CDH13: variants seen among roughly 807,000 people sequenced by gnomAD.
CDH13 encodes cadherin 13, also known as cadherin-13.
CDH13 carries 24 observed loss-of-function variants against 63.8 expected under a neutral mutation model. The ratio of observed to expected loss-of-function variants is 0.38; its 90% CI spans 0.27 to 0.53. CDH13 has a LOEUF of 0.53. Ranked by LOEUF, CDH13 falls within the 20% of genes least tolerant of loss-of-function variation. CDH13 has a pLI of 0.85. For missense variants in CDH13, 1,049 were observed against 903.1 expected (o/e 1.16, Z -2.07); for synonymous variants, 503 against 355.3 (o/e 1.42, Z -4.67).
intron 5 of CDH13, among the ~76,000 whole-genome samples, chr16:83,306,858 C>G (rs188046026): frequency 6.6e-6 from 1 of 152,072 alleles, no homozygotes; most frequent in Non-Finnish European, 1.5e-5. Flanking sequence ...TGGAAATTAC[C>G]CAGTCTCAGG....
At chr16:83,558,046 A>T (rs1338666938) in intron 7 of CDH13, among the ~76,000 whole-genome samples, 1 of 152,154 alleles carries the variant, frequency 6.6e-6, no homozygotes, top group Non-Finnish European at 1.5e-5. Context: ...TTATATAAAA[A>T]GGGCACCCAG....
intron 1 of CDH13, among the ~76,000 whole-genome samples, chr16:82,710,372 A>G (rs191115733): frequency 0.03 from 4,360 of 145,388 alleles, 93 homozygotes; most frequent in South Asian, 0.085. Flanking sequence ...TCTCTACTAT[A>G]AATACAAAAA....
chr16:82,890,667 T>TC (rs397961342), intron 2 of CDH13, among the ~76,000 whole-genome samples: 23 of 151,548 alleles, frequency 1.5e-4, no homozygotes, highest in Admixed American at 5.3e-4. Context: ...TTTTTTTTTT[T>TC]CCAAGACTAA....
intron 2 of CDH13, among the ~76,000 whole-genome samples, chr16:82,861,361 T>C (rs1177218391): frequency 6.6e-6 from 1 of 152,184 alleles, no homozygotes; most frequent in African/African-American, 2.4e-5. Context: ...GCATAATCAA[T>C]CAATTGATGT....
chr16:82,743,191 C>A (rs11646321), intron 1 of CDH13, among the ~76,000 whole-genome samples: 46,120 of 152,048 alleles, frequency 0.3, 7,946 homozygotes, highest in South Asian at 0.38. Flanking sequence ...CAGTTTTGAA[C>A]AACAGTGAAC....
intron 2 of CDH13, among the ~76,000 whole-genome samples, chr16:82,862,408 T>G (rs1156688332): frequency 6.6e-6 from 1 of 152,194 alleles, no homozygotes; most frequent in Admixed American, 6.5e-5. Flanking sequence ...CAGACAGATT[T>G]TTTCCAGCAA....
At chr16:83,059,126 T>A (rs1042483486) in intron 3 of CDH13, among the ~76,000 whole-genome samples, 2 of 152,070 alleles carry the variant, frequency 1.3e-5, no homozygotes, top group African/African-American at 4.8e-5. Flanking sequence ...AGGAGGCCAA[T>A]CAAAAAAGAG....
At chr16:83,307,361 ACTTAAAC>A (rs1279638194) in intron 5 of CDH13, among the ~76,000 whole-genome samples, 13 of 152,198 alleles carry the variant, frequency 8.5e-5, no homozygotes, top group Non-Finnish European at 1.5e-4. Flanking sequence ...ATAAAGGTCA[ACTTAAAC>A]CTGAGCTCCA....
intron 1 of CDH13, among the ~76,000 whole-genome samples, chr16:82,745,488 C>T (rs1453670387): frequency 6.6e-6 from 1 of 152,240 alleles, no homozygotes; most frequent in East Asian, 1.9e-4. Context: ...CCTGTAACCC[C>T]AGCTACTCAG....
intron 5 of CDH13, among the ~76,000 whole-genome samples, chr16:83,227,771 C>T (rs992430426): frequency 2.0e-5 from 3 of 152,128 alleles, no homozygotes; most frequent in African/African-American, 7.2e-5. Flanking sequence ...AGCGTCCACG[C>T]CAGGCAGTGC....
At chr16:82,797,386 C>G (rs1445704229) in intron 1 of CDH13, among the ~76,000 whole-genome samples, 2 of 152,204 alleles carry the variant, frequency 1.3e-5, no homozygotes, top group Admixed American at 1.3e-4. Flanking sequence ...GTGCAGAGCC[C>G]TGGACCAAAG....
At chr16:83,385,212 A>G (rs190707686) in intron 6 of CDH13, among the ~76,000 whole-genome samples, 14 of 152,376 alleles carry the variant, frequency 9.2e-5, no homozygotes, top group Admixed American at 7.2e-4. Context: ...GTAGTCAATG[A>G]GAGAGAATCA....
chr16:82,745,382 A>G (rs1267730687), intron 1 of CDH13, among the ~76,000 whole-genome samples: 1 of 152,262 alleles, frequency 6.6e-6, no homozygotes, highest in African/African-American at 2.4e-5. Context: ...CCATAAAGTC[A>G]GCAGTAACAA....
rs116715467 is a variant in CDH13, at chr16:83,354,726, A to T, written c.781+9720A>T. Among the ~76,000 whole-genome samples the T allele has an allele frequency of 7.8e-3, 1,182 of 152,304 alleles. 15 individuals carry two copies. Among genetic ancestry groups the T allele is most frequent in the African/African-American group, 0.027 (1,127 of 41,568 alleles). On this transcript the variant is annotated intron_variant, in intron 6 of 13. Coordinates refer to ENST00000567109, the MANE Select transcript of CDH13 (RefSeq NM_001257.5). Reference sequence around the variant, plus strand: ...AGTGCAGAGACCTGAGGCAGGAATGACCTGAGGGACGGTAGTACCAGGTGA... The same window carrying T: ...AGTGCAGAGACCTGAGGCAGGAATGTCCTGAGGGACGGTAGTACCAGGTGA...
intron 8 of CDH13, among the ~76,000 whole-genome samples, chr16:83,627,054 C>T (rs960994170): frequency 4.6e-5 from 7 of 151,300 alleles, no homozygotes; most frequent in African/African-American, 1.5e-4. Flanking sequence ...AGGCCAAGGC[C>T]GATGGATTAC....
intron 5 of CDH13, among the ~76,000 whole-genome samples, chr16:83,281,651 G>A (rs1474307964): frequency 5.3e-5 from 8 of 151,832 alleles, no homozygotes; most frequent in African/African-American, 1.9e-4. Context: ...GCTGACACCT[G>A]TAATCCCCGC....
chr16:83,304,675 A>G (rs2151879705), intron 5 of CDH13, among the ~76,000 whole-genome samples: 1 of 152,330 alleles, frequency 6.6e-6, no homozygotes, highest in South Asian at 2.1e-4. Flanking sequence ...AATAATGATA[A>G]TATTGTGTTG....
At chr16:83,306,378 C>G (rs755035887) in intron 5 of CDH13, among the ~76,000 whole-genome samples, 1 of 152,082 alleles carries the variant, frequency 6.6e-6, no homozygotes, top group African/African-American at 2.4e-5. Context: ...AAATGCTGTT[C>G]TGGAGTTTGA....
At chr16:82,827,836 G>T (rs538664294) in intron 1 of CDH13, among the ~76,000 whole-genome samples, 2 of 152,214 alleles carry the variant, frequency 1.3e-5, no homozygotes, top group Non-Finnish European at 2.9e-5. Flanking sequence ...AGGATGGTCA[G>T]ATGTGGTATG....
Sources: gnomAD v4.1 joint callset for allele counts (sites outside exome capture counted in the v4.1 genomes callset) on GRCh38, gnomAD v4.1.1 for gene constraint, MANE v1.5 for transcripts, NCBI Gene and HGNC (gene_info 2026-07-23, HGNC 2026-07-21) for gene names.